The following KCNIP1 variants were observed in gnomAD, a reference collection of about 807,000 sequenced individuals.
The protein encoded by KCNIP1 is A-type potassium channel modulatory protein KCNIP1.
A neutral mutation model predicts 33.0 loss-of-function variants in KCNIP1; 18 were observed. The observed-to-expected ratio is 0.55, with a 90% CI of 0.38 to 0.81. The LOEUF (loss-of-function observed/expected upper bound fraction) is 0.81. Ranked by LOEUF, KCNIP1 falls within the 30% of genes least tolerant of loss-of-function variation. KCNIP1 has a pLI of 0.00. For missense variants in KCNIP1, 238 were observed against 271.6 expected (o/e 0.88, Z 0.87); for synonymous variants, 93 against 98.3 (o/e 0.95, Z 0.32).
At chr5:170,718,032 C>T (rs1485643726) in intron 1 of KCNIP1, among the ~76,000 whole-genome samples, 4 of 152,286 alleles carry the variant, frequency 2.6e-5, no homozygotes, top group South Asian at 4.2e-4. Flanking sequence ...GGGCAGATTC[C>T]TTGCTTTAAT....
intron 1 of KCNIP1, among the ~76,000 whole-genome samples, chr5:170,584,340 T>C (rs1757907782): frequency 6.6e-6 from 1 of 152,010 alleles, no homozygotes; most frequent in South Asian, 2.1e-4. Context: ...GAGAAGGGGA[T>C]TGGAGTAGGA....
chr5:170,526,357 TAC>T (rs1445860501), intron 1 of KCNIP1, among the ~76,000 whole-genome samples: 2 of 152,174 alleles, frequency 1.3e-5, no homozygotes, highest in African/African-American at 4.8e-5. Context: ...AAAGGGAGGC[TAC>T]AGGAAGGGAA....
chr5:170,633,648 A>C (rs1207042030), intron 1 of KCNIP1, among the ~76,000 whole-genome samples: 7 of 138,746 alleles, frequency 5.0e-5, no homozygotes, highest in African/African-American at 1.9e-4. Flanking sequence ...CTAAGAGGAG[A>C]GGAGAGGTCA....
At chr5:170,499,924 T>C (rs942895922), upstream of KCNIP1, among the ~76,000 whole-genome samples, 3 of 152,154 alleles carry the variant, frequency 2.0e-5, no homozygotes, top group Non-Finnish European at 4.4e-5. Flanking sequence ...AGGCCTTGCG[T>C]CCAGAACTTT....
At chr5:170,399,481 A>G (rs140800828) in intron 1 of KCNIP1, among the ~76,000 whole-genome samples, 150 of 152,352 alleles carry the variant, frequency 9.8e-4, no homozygotes, top group African/African-American at 3.3e-3. Flanking sequence ...TTCTATTTAC[A>G]AAGTAATAGA....
intron 1 of KCNIP1, among the ~76,000 whole-genome samples, chr5:170,626,252 T>G (rs1759818151): frequency 6.6e-6 from 1 of 152,220 alleles, no homozygotes; most frequent in South Asian, 2.1e-4. Flanking sequence ...TAGGAGCATC[T>G]GCACCCAGCA....
chr5:170,712,713 C>T, intron 1 of KCNIP1: 1 of 809,542 alleles, frequency 1.2e-6, no homozygotes. Context: ...TCAGCTCCAG[C>T]TCTGCTACTG....
chr5:170,391,136 C>T (rs547880045), intron 1 of KCNIP1, among the ~76,000 whole-genome samples: 2 of 152,244 alleles, frequency 1.3e-5, no homozygotes, highest in Admixed American at 6.5e-5. Flanking sequence ...CTCAGAAGAG[C>T]AATTTTCCAA....
At chr5:170,419,718 C>T (rs1306171583) in intron 1 of KCNIP1, among the ~76,000 whole-genome samples, 1 of 152,218 alleles carries the variant, frequency 6.6e-6, no homozygotes, top group Non-Finnish European at 1.5e-5. Flanking sequence ...AATTCTGCAA[C>T]TGAAGAAGGT....
At chr5:170,373,943 C>T (rs925535775) in intron 1 of KCNIP1, among the ~76,000 whole-genome samples, 7 of 152,238 alleles carry the variant, frequency 4.6e-5, no homozygotes, top group African/African-American at 1.7e-4. Context: ...TTCCATGTGA[C>T]AGGGCAATGG....
At chr5:170,585,010 C>T (rs115459755) in intron 1 of KCNIP1, among the ~76,000 whole-genome samples, 2 of 152,226 alleles carry the variant, frequency 1.3e-5, no homozygotes, top group East Asian at 1.9e-4. Context: ...TAACCCCTAA[C>T]AGCCCTAGGA....
intron 1 of KCNIP1, among the ~76,000 whole-genome samples, chr5:170,366,959 GC>G (rs1339714579): frequency 2.0e-5 from 3 of 152,182 alleles, no homozygotes; most frequent in Non-Finnish European, 4.4e-5. Context: ...TAAGCTCCAG[GC>G]CTGCAGGTGA....
intron 1 of KCNIP1, among the ~76,000 whole-genome samples, chr5:170,369,804 A>C (rs377746348): frequency 8.5e-5 from 13 of 152,218 alleles, no homozygotes; most frequent in African/African-American, 3.1e-4. Flanking sequence ...TTTCCAATTA[A>C]GCCTGATTTC....
intron 1 of KCNIP1, among the ~76,000 whole-genome samples, chr5:170,547,456 T>C (rs1756457080): frequency 6.6e-6 from 1 of 152,322 alleles, no homozygotes; most frequent in East Asian, 1.9e-4. Flanking sequence ...GGGGGTTTGT[T>C]GAACAGATTA....
chr5:170,670,940 A>T lies in KCNIP1; in HGVS notation c.62-47818A>T, dbSNP rs181043767. On this transcript the variant is annotated intron_variant, in intron 1 of 7. Transcript: ENST00000328939. Reference sequence around the variant, plus strand: ...AAAAAAAAAAGAAGAGGACATCTGGAGCAGGCCTGTGAACCTGACACATGG... The same window carrying T: ...AAAAAAAAAAGAAGAGGACATCTGGTGCAGGCCTGTGAACCTGACACATGG... Among the ~76,000 whole-genome samples, 4 of 151,626 alleles carry T rather than the reference A, an allele frequency of 2.6e-5. No individual in the cohort carries two copies. The East Asian group carries it at 5.8e-4, about 22-fold the overall frequency.
intron 1 of KCNIP1, among the ~76,000 whole-genome samples, chr5:170,630,729 C>T (rs1339476796): frequency 6.6e-6 from 1 of 152,218 alleles, no homozygotes; most frequent in African/African-American, 2.4e-5. Flanking sequence ...GGAGCAATCA[C>T]AGCCTCTCCA....
intron 1 of KCNIP1, among the ~76,000 whole-genome samples, chr5:170,403,612 G>A (rs1754962589): frequency 6.6e-6 from 1 of 152,182 alleles, no homozygotes; most frequent in Non-Finnish European, 1.5e-5. Flanking sequence ...GAGGACAGTG[G>A]CTTTTGAGTG....
At chr5:170,559,059 A>G (rs1251615581) in intron 1 of KCNIP1, among the ~76,000 whole-genome samples, 7 of 152,330 alleles carry the variant, frequency 4.6e-5, no homozygotes, top group South Asian at 2.1e-4. Flanking sequence ...GCTACACAGT[A>G]TCTGTATCTG....
intron 5 of KCNIP1, among the ~76,000 whole-genome samples, chr5:170,724,824 T>C (rs1020984428): frequency 1.3e-5 from 2 of 152,064 alleles, no homozygotes; most frequent in African/African-American, 2.4e-5. Flanking sequence ...AGTAAAGAAC[T>C]AAATAAACAC....
Sources: allele counts gnomAD v4.1 joint callset (sites outside exome capture counted in the v4.1 genomes callset), GRCh38; gene constraint gnomAD v4.1.1; transcripts MANE v1.5; gene names NCBI Gene and HGNC (gene_info 2026-07-23, HGNC 2026-07-21).